AGTPBP1: variants seen among roughly 807,000 people sequenced by gnomAD.
AGTPBP1 encodes cytosolic carboxypeptidase 1.
In AGTPBP1, 70 loss-of-function variants were observed where a neutral mutation model predicts 143.9. That is an observed-to-expected ratio of 0.49 (90% confidence interval 0.40 to 0.59). The LOEUF (loss-of-function observed/expected upper bound fraction) is 0.59, where lower values mean the gene tolerates loss of function less well. AGTPBP1 is among the 20% of genes least tolerant of loss of function. AGTPBP1 has a pLI of 0.00. For synonymous variants in AGTPBP1, 463 were observed against 500.2 expected (o/e 0.93, Z 0.99); for missense variants, 1,229 against 1,464.5 (o/e 0.84, Z 2.62).
At chr9:85,785,605 G>A in the AGTPBP1 span, 1 of 156,058 alleles carries the variant, frequency 6.4e-6, no homozygotes, top group African/African-American at 2.4e-5. Flanking sequence ...ACACCCCAGA[G>A]TACATTCAGA....
At chr9:85,574,280 A>G (rs541162124) in intron 25 of AGTPBP1, among the ~76,000 whole-genome samples, 1 of 152,018 alleles carries the variant, frequency 6.6e-6, no homozygotes, top group Non-Finnish European at 1.5e-5. Context: ...CAGCATGCTC[A>G]TTAAGAGTCA....
At chr9:85,758,919 G>A in the AGTPBP1 span, among the ~76,000 whole-genome samples, 1 of 152,144 alleles carries the variant, frequency 6.6e-6, no homozygotes, top group Non-Finnish European at 1.5e-5. Context: ...TAAAGGGATG[G>A]AGGAAGATAT....
chr9:85,603,974 G>C (rs990211439), intron 17 of AGTPBP1, among the ~76,000 whole-genome samples: 5 of 152,196 alleles, frequency 3.3e-5, no homozygotes, highest in Non-Finnish European at 5.9e-5. Context: ...CAGCAGAATA[G>C]AACACCAAGT....
the AGTPBP1 span, among the ~76,000 whole-genome samples, chr9:85,792,610 C>A: frequency 2.6e-5 from 4 of 152,144 alleles, no homozygotes; most frequent in Non-Finnish European, 5.9e-5. Flanking sequence ...TTTTCTAAAC[C>A]AAACAGCCTT....
the AGTPBP1 span, among the ~76,000 whole-genome samples, chr9:85,804,547 A>T: frequency 1.3e-5 from 2 of 152,038 alleles, no homozygotes; most frequent in Non-Finnish European, 2.9e-5. Flanking sequence ...GGTATCTTCA[A>T]CTCCCCTCTA....
chr9:85,650,925 AATAATACTTT>A (rs1410275665), intron 11 of AGTPBP1, among the ~76,000 whole-genome samples: 1 of 152,196 alleles, frequency 6.6e-6, no homozygotes, highest in African/African-American at 2.4e-5. Context: ...TTTGTTTAAC[AATAATACTTT>A]CCTTCTCACC....
In AGTPBP1 at chr9:85,666,807, G is replaced by A. The variant is rs529136201; in HGVS notation, c.662+2678C>T. Among the ~76,000 whole-genome samples the A allele has an allele frequency of 4.0e-4, 61 of 152,098 alleles. No homozygotes were observed. In the South Asian group the frequency reaches 4.4e-3, roughly 11 times the overall value. On this transcript the variant is annotated intron_variant, in intron 8 of 25. Coordinates refer to ENST00000357081, the MANE Select transcript of AGTPBP1 (RefSeq NM_001330701.2). ...AAAATAAATTATAAAATGCAGTACC[G>A]ATTAAAGGGAGAAACAGCAAATAAA...
rs888397556 is a variant in AGTPBP1, at chr9:85,559,214, A to G, written c.3504-11928T>C. ...GAAACACCTACCCCAGGAAAAATGTAGTGTTGCATCAGATGGAATTTTTAT... is the reference window on the plus strand; with the variant it reads ...GAAACACCTACCCCAGGAAAAATGTGGTGTTGCATCAGATGGAATTTTTAT... On this transcript the variant is annotated intron_variant, in intron 25 of 25. Coordinates refer to ENST00000357081, the MANE Select transcript of AGTPBP1 (RefSeq NM_001330701.2). Among the ~76,000 whole-genome samples, 8 of 152,238 alleles carry G rather than the reference A, an allele frequency of 5.3e-5. No homozygotes were observed. In the South Asian group the frequency reaches 1.0e-3, roughly 20 times the overall value.
intron 17 of AGTPBP1, among the ~76,000 whole-genome samples, chr9:85,613,041 A>T (rs1342642686): frequency 1.3e-5 from 2 of 152,168 alleles, no homozygotes. Context: ...AACAAAATGG[A>T]TTAAAATTTG....
the AGTPBP1 span, among the ~76,000 whole-genome samples, chr9:85,801,417 A>G: frequency 6.6e-6 from 1 of 152,206 alleles, no homozygotes; most frequent in African/African-American, 2.4e-5. Flanking sequence ...TAATCACATC[A>G]TGTAAAACAG....
intron 25 of AGTPBP1, among the ~76,000 whole-genome samples, chr9:85,559,488 T>C (rs938637331): frequency 7.7e-6 from 1 of 130,386 alleles, no homozygotes; most frequent in South Asian, 2.3e-4. Flanking sequence ...AGGGAGAAAA[T>C]AAATTCAAGA....
chr9:85,575,483 TAAAC>T lies in AGTPBP1; in HGVS notation c.3343-12_3343-9del. 6.3e-7 allele frequency: 1 copy of T among 1,591,794 alleles called. No individual in the cohort carries two copies. The highest frequency in any genetic ancestry group is 8.5e-7 in the Non-Finnish European group (1 of 1,173,914). ...GGTACCAATCTGTAAACCCTTGAAA[TAAAC>T]AAATATTATGCATATAATTACAAAG... On this transcript the variant is annotated splice_polypyrimidine_tract_variant and intron_variant, in intron 24 of 25. Coordinates refer to ENST00000357081, the MANE Select transcript of AGTPBP1 (RefSeq NM_001330701.2).
At chr9:85,797,426 A>G in the AGTPBP1 span, among the ~76,000 whole-genome samples, 3 of 152,172 alleles carry the variant, frequency 2.0e-5, no homozygotes, top group East Asian at 1.9e-4. Flanking sequence ...AGTTTTCTCT[A>G]TATCTATCAC....
intron 25 of AGTPBP1, chr9:85,554,313 A>C (rs540569507): frequency 6.6e-6 from 1 of 152,358 alleles, no homozygotes; most frequent in Admixed American, 6.5e-5. Context: ...TCAACACTTG[A>C]CAGTTTTCCC....
intron 13 of AGTPBP1, among the ~76,000 whole-genome samples, chr9:85,633,576 A>T (rs931239277): frequency 1.3e-5 from 2 of 152,212 alleles, no homozygotes; most frequent in African/African-American, 2.4e-5. Flanking sequence ...CTTTGCCTAC[A>T]TGTCACAGAA....
intron 9 of AGTPBP1, among the ~76,000 whole-genome samples, chr9:85,660,641 T>C (rs1833799273): frequency 6.6e-6 from 1 of 152,128 alleles, no homozygotes; most frequent in African/African-American, 2.4e-5. Flanking sequence ...ATGATACTTA[T>C]ATATTTTCCT....
chr9:85,688,096 T>TA (rs58523894), intron 3 of AGTPBP1, among the ~76,000 whole-genome samples: 5,473 of 34,824 alleles, frequency 0.16, 295 homozygotes, highest in East Asian at 0.29. Flanking sequence ...GTCTCAAAAT[T>TA]AAAAAAAAAA....
At position 85,741,840 on chromosome 9, in the gene AGTPBP1, A is replaced by T. The variant is rs1371812012; in HGVS notation, c.-99T>A. ...CAGCACCCGGCTCAGCACCTGGATC[A>T]CGGCGGATCCCTCGCCGCCCGCCGC... On this transcript the variant is annotated 5_prime_UTR_variant, in exon 1 of 26. Transcript: ENST00000357081. 6 of 1,402,500 alleles carry T rather than the reference A, an allele frequency of 4.3e-6. No individual in the cohort carries two copies. Among genetic ancestry groups the T allele is most frequent in the Non-Finnish European group, 5.6e-6 (6 of 1,079,642 alleles). 86.9% of individuals were successfully genotyped at this position (1,402,500 alleles called of 1,614,324 possible).
In AGTPBP1 at chr9:85,566,847, T is replaced by A. The variant is rs553272618; in HGVS notation, c.3503+8468A>T. Among the ~76,000 whole-genome samples, 4 of 152,314 alleles carry A rather than the reference T, an allele frequency of 2.6e-5. No homozygotes were observed. The East Asian group carries it at 7.7e-4, about 29-fold the overall frequency. On this transcript the variant is annotated intron_variant, in intron 25 of 25. Coordinates refer to ENST00000357081, the MANE Select transcript of AGTPBP1 (RefSeq NM_001330701.2). ...TGAATGCAGCAGCTGGAGTAAGGCT[T>A]CCCACTTTAGAAAGGAGGCTGAGAA...
Sources: gnomAD v4.1 joint callset for allele counts (sites outside exome capture counted in the v4.1 genomes callset) on GRCh38, gnomAD v4.1.1 for gene constraint, MANE v1.5 for transcripts, NCBI Gene and HGNC (gene_info 2026-07-23, HGNC 2026-07-21) for gene names.